Variants in SLC30A4 observed in about 807,000 individuals in gnomAD.
SLC30A4 encodes the protein probable proton-coupled zinc antiporter SLC30A4.
A neutral mutation model predicts 41.7 loss-of-function variants in SLC30A4; 20 were observed. The observed-to-expected ratio is 0.48, with a 90% confidence interval of 0.34 to 0.70. The LOEUF (loss-of-function observed/expected upper bound fraction) is 0.70, where lower values mean the gene tolerates loss of function less well. SLC30A4 is among the 30% of genes least tolerant of loss of function. The pLI is 0.01. For synonymous variants in SLC30A4, 181 were observed against 195.9 expected, an observed-to-expected ratio of 0.92 and a Z score of 0.64; for missense variants, 441 against 529.3, an observed-to-expected ratio of 0.83 and a Z score of 1.64.
intron 2 of SLC30A4, among the ~76,000 whole-genome samples, chr15:45,517,465 T>C (rs1341793030): frequency 6.6e-6 from 1 of 151,034 alleles, no homozygotes; most frequent in East Asian, 2.0e-4. Context: ...GTGATTCTTT[T>C]GCCTCGGCCT....
In SLC30A4 at chr15:45,522,664, G is replaced by C. The variant is rs1354175775; in HGVS notation, c.-172C>G. 1 of 230,022 alleles carries C rather than the reference G, an allele frequency of 4.3e-6. No individual in the cohort carries two copies. The highest frequency in any genetic ancestry group is 9.7e-5 in the East Asian group (1 of 10,340). 14.2% of individuals were successfully genotyped at this position (230,022 alleles called of 1,614,324 possible). The stretch of plus-strand genomic sequence containing the variant: ...CCCCGCCCCCGGCCGGCTCAGCGAG[G>C]CGGGCTCGCGCTGCTCCACCCGCGG... On this transcript the variant is annotated 5_prime_UTR_variant, in exon 1 of 8. Coordinates refer to ENST00000261867, the MANE Select transcript of SLC30A4 (RefSeq NM_013309.6).
At chr15:45,489,083 T>C (rs1363366930) in intron 4 of SLC30A4, 41 bp from the exon 5 acceptor site, 4 of 1,455,024 alleles carry the variant, frequency 2.7e-6, no homozygotes, top group African/African-American at 1.4e-5. Flanking sequence ...TTTCCCAATA[T>C]TGACAAAAAC....
chr15:45,487,960 AGT>A (rs58392709), intron 5 of SLC30A4, among the ~76,000 whole-genome samples: 38,304 of 139,490 alleles, frequency 0.27, 6,457 homozygotes, highest in Middle Eastern at 0.38. Flanking sequence ...GCTGGAAAAA[AGT>A]GTGTGTGTGT....
chr15:45,522,363 C>A lies in SLC30A4; in HGVS notation c.-9G>T. ...GCGCCAGAGCCGGCCATGGCAGAGG[C>A]TGAGCGGCCGCGGTGCGGAACGGCT... On this transcript the variant is annotated 5_prime_UTR_variant, in exon 2 of 8. Coordinates refer to ENST00000261867, the MANE Select transcript of SLC30A4 (RefSeq NM_013309.6). The A allele has an allele frequency of 6.3e-7, 1 of 1,592,898 alleles. No homozygotes were observed. Among genetic ancestry groups the A allele is most frequent in the Non-Finnish European group, 8.5e-7 (1 of 1,171,072 alleles).
At chr15:45,521,912 C>A in intron 2 of SLC30A4, 52 bp downstream of exon 2, 2 of 1,563,524 alleles carry the variant, frequency 1.3e-6, no homozygotes, top group South Asian at 1.2e-5. Flanking sequence ...TACAGCTTGA[C>A]AAAGACTCTC....
intron 3 of SLC30A4, among the ~76,000 whole-genome samples, chr15:45,500,652 CTATCTATCTA>C (rs1048415293): frequency 2.9e-5 from 4 of 137,584 alleles, no homozygotes; most frequent in African/African-American, 1.0e-4. Context: ...ATCTATCTAT[CTATCTATCTA>C]TATGTTTTTG....
intron 3 of SLC30A4, among the ~76,000 whole-genome samples, chr15:45,495,770 A>G (rs1891896724): frequency 6.6e-6 from 1 of 152,210 alleles, no homozygotes; most frequent in Admixed American, 6.5e-5. Context: ...GTTTTCACTC[A>G]CATGAGAAGG....
In SLC30A4 at chr15:45,484,496, A is replaced by G. The variant is rs545744087; in HGVS notation, c.*667T>C. ...ATAACAGTGACCACAATAAATAAAG[A>G]TTTGGTTCTAAGATTACAAATAATG... On this transcript the variant is annotated 3_prime_UTR_variant, in exon 8 of 8. Transcript: ENST00000261867. 1 of 152,362 alleles carries G rather than the reference A, an allele frequency of 6.6e-6. No individual in the cohort carries two copies. Among genetic ancestry groups the G allele is most frequent in the South Asian group, 2.1e-4 (1 of 4,832 alleles). 9.4% of individuals were successfully genotyped at this position (152,362 alleles called of 1,614,324 possible).
intron 2 of SLC30A4, among the ~76,000 whole-genome samples, chr15:45,517,872 C>T (rs562581149): frequency 2.4e-4 from 37 of 152,012 alleles, no homozygotes; most frequent in African/African-American, 8.2e-4. Context: ...GGCACGAACC[C>T]GGGAGGCAGA....
In SLC30A4 at chr15:45,522,432, C is replaced by G. The variant is rs942293914; in HGVS notation, c.-78G>C. The G allele has an allele frequency of 3.0e-5, 42 of 1,420,234 alleles. No homozygotes were observed. Among genetic ancestry groups the G allele is most frequent in the Non-Finnish European group, 3.8e-5 (41 of 1,065,398 alleles). 88.0% of individuals were successfully genotyped at this position (1,420,234 alleles called of 1,614,324 possible). On this transcript the variant is annotated 5_prime_UTR_variant, in exon 2 of 8. Coordinates refer to ENST00000261867, the MANE Select transcript of SLC30A4 (RefSeq NM_013309.6). ...GGCGGCGCCTACTTCACCGGAGCGC[C>G]AGTTCTCGAGGGCAGTGCCGCGCGT... is the stretch of plus-strand genomic sequence containing the variant.
At chr15:45,489,385 C>G (rs1891766685) in intron 4 of SLC30A4, among the ~76,000 whole-genome samples, 1 of 151,974 alleles carries the variant, frequency 6.6e-6, no homozygotes, top group Admixed American at 6.6e-5. Flanking sequence ...CAGATTTTCT[C>G]TAAGCAGATA....
intron 3 of SLC30A4, among the ~76,000 whole-genome samples, chr15:45,499,515 C>A (rs374548652): frequency 6.6e-5 from 10 of 152,216 alleles, no homozygotes; most frequent in East Asian, 1.9e-4. Context: ...GGAAAAAAAA[C>A]CATATAAATA....
intron 2 of SLC30A4, among the ~76,000 whole-genome samples, chr15:45,521,373 G>A (rs1245903836): frequency 6.6e-6 from 1 of 152,100 alleles, no homozygotes; most frequent in Non-Finnish European, 1.5e-5. Flanking sequence ...AATTAATTTT[G>A]CAAATCTCTT....
intron 3 of SLC30A4, 28 bp from the exon 4 acceptor site, chr15:45,490,909 A>G: frequency 6.7e-7 from 1 of 1,488,902 alleles, no homozygotes; most frequent in South Asian, 1.4e-5. Flanking sequence ...TATAACAAAT[A>G]CATTTTCAGC....
chr15:45,492,965 T>C (rs1891839030), intron 3 of SLC30A4, among the ~76,000 whole-genome samples: 1 of 152,130 alleles, frequency 6.6e-6, no homozygotes, highest in South Asian at 2.1e-4. Flanking sequence ...AAAAGAGCAA[T>C]GTGAAGTACA....
intron 2 of SLC30A4, among the ~76,000 whole-genome samples, chr15:45,514,276 G>A (rs373937435): frequency 6.6e-6 from 1 of 151,490 alleles, no homozygotes; most frequent in African/African-American, 2.4e-5. Context: ...CCCAGGAGGC[G>A]GAGGTTACGG....
intron 5 of SLC30A4, among the ~76,000 whole-genome samples, chr15:45,488,209 C>T (rs1430693693): frequency 6.6e-6 from 1 of 152,102 alleles, no homozygotes; most frequent in South Asian, 2.1e-4. Context: ...AGACTAGAAC[C>T]CACTCAGATC....
At chr15:45,504,715 C>G (rs1892112403) in intron 3 of SLC30A4, among the ~76,000 whole-genome samples, 1 of 152,106 alleles carries the variant, frequency 6.6e-6, no homozygotes, top group Non-Finnish European at 1.5e-5. Context: ...CAAATATTAA[C>G]TCATTTAATA....
Position 45,486,687 on chromosome 15 carries a change from A to G in SLC30A4, c.1059T>C (p.Asp353=). Residue 353 remains aspartate, a synonymous_variant, in exon 7 of 8, where the codon GAT becomes GAC. Coordinates refer to ENST00000261867, the MANE Select transcript of SLC30A4 (RefSeq NM_013309.6). ...TATTTAAATCTTCGACTGAATATAC[A>G]TCTTCTATTTTCATCAAGGCTTCTT... ...YIKEALMKIE[D]VYSVEDLNIW... 1.9e-6 allele frequency: 3 copies of G among 1,598,654 alleles called. No homozygotes were observed. Among genetic ancestry groups the G allele is most frequent in the Non-Finnish European group, 2.6e-6 (3 of 1,170,888 alleles).
Sources: gnomAD v4.1 joint callset for allele counts (sites outside exome capture counted in the v4.1 genomes callset) on GRCh38, gnomAD v4.1.1 for gene constraint, MANE v1.5 for transcripts, NCBI Gene and HGNC (gene_info 2026-07-23, HGNC 2026-07-21) for gene names.